ZDHHC5: variants seen among roughly 807,000 people sequenced by gnomAD.
ZDHHC5 encodes zDHHC palmitoyltransferase 5, also known as palmitoyltransferase ZDHHC5.
Under a neutral mutation model 70.0 loss-of-function variants are expected in ZDHHC5, and 22 were observed. The observed-to-expected ratio is 0.31, with a 90% CI of 0.22 to 0.45. The LOEUF is 0.45. Ranked by LOEUF, ZDHHC5 falls within the 20% of genes least tolerant of loss-of-function variation. The pLI, the probability that ZDHHC5 is intolerant of heterozygous loss-of-function variation, is 1.00. For synonymous variants in ZDHHC5, 313 were observed against 347.8 expected (o/e 0.90, Z 1.11); for missense variants, 746 against 926.9 (o/e 0.80, Z 2.53).
At chr11:57,691,597 C>G (rs1946285621) in intron 6 of ZDHHC5, among the ~76,000 whole-genome samples, 1 of 152,124 alleles carries the variant, frequency 6.6e-6, no homozygotes, top group Admixed American at 6.6e-5. Flanking sequence ...CCAAACCAAA[C>G]TGAAACTAGA....
rs1010913426 is a variant in ZDHHC5 at position 57,697,828 on chromosome 11, CAAA to C, written c.1123-710_1123-708del. Among the ~76,000 whole-genome samples the C allele has an allele frequency of 1.7e-4, 5 of 28,770 alleles. No homozygotes were observed. The East Asian group carries it at 4.5e-3, about 26-fold the overall frequency. The allele number at this position is 28,770 out of a possible 152,430, so 18.9% of individuals were successfully genotyped here. A position where few individuals can be genotyped will look rare whatever the true frequency, so the allele number is the denominator to read the frequency against. On this transcript the variant is annotated intron_variant, in intron 10 of 11. Coordinates refer to ENST00000287169, the MANE Select transcript of ZDHHC5 (RefSeq NM_015457.3). ...CTGGTGACAGAGTGAGACTACACCT[CAAA>C]AAAAAAAAAAAAAAAAAAAAGGCCA...
rs1414432208 is a variant in ZDHHC5 at position 57,701,102 on chromosome 11, C to T, written c.*1071C>T. 1 of 152,582 alleles carries T rather than the reference C, an allele frequency of 6.6e-6. No individual in the cohort carries two copies. The highest frequency in any genetic ancestry group is 1.5e-5 in the Non-Finnish European group (1 of 68,024). The allele number at this position is 152,582 out of a possible 1,614,324, so 9.5% of individuals were successfully genotyped here. ...AACCTCTAAATAGGGGAGATCCCAG[C>T]CTCCACAAAGAGGCCCTTTTATTTT... On this transcript the variant is annotated 3_prime_UTR_variant, in exon 12 of 12. Transcript: ENST00000287169.
intron 9 of ZDHHC5, 86 bp from the exon 10 acceptor site, chr11:57,696,675 C>G: frequency 8.1e-7 from 1 of 1,230,230 alleles, no homozygotes; most frequent in Non-Finnish European, 1.2e-6. Context: ...CCACTGCACT[C>G]TAGCTTGGAC....
At chr11:57,699,524 G>GACCCA in intron 11 of ZDHHC5, 106 bp downstream of exon 11, 1 of 1,468,788 alleles carries the variant, frequency 6.8e-7, no homozygotes, top group Non-Finnish European at 9.0e-7. Context: ...GTGGACCCAG[G>GACCCA]GGTATCCTGG....
intron 2 of ZDHHC5, among the ~76,000 whole-genome samples, chr11:57,676,573 C>T (rs551644635): frequency 1.3e-5 from 2 of 152,110 alleles, no homozygotes; most frequent in East Asian, 3.9e-4. Context: ...TAAGTTCTTC[C>T]TGTTTACAGT....
intron 3 of ZDHHC5, among the ~76,000 whole-genome samples, chr11:57,687,166 A>G (rs1476594116): frequency 2.0e-5 from 3 of 152,170 alleles, no homozygotes; most frequent in Non-Finnish European, 4.4e-5. Flanking sequence ...TGTGATGTAA[A>G]TATGAAAAAA....
rs187558550 is a variant in ZDHHC5 at position 57,685,009 on chromosome 11, A to T, written c.226+2466A>T. Among the ~76,000 whole-genome samples, 9 of 152,018 alleles carry T rather than the reference A, an allele frequency of 5.9e-5. No individual in the cohort carries two copies. The South Asian group carries it at 1.2e-3, about 21-fold the overall frequency. ...TGAAAAATACAAAAATTAGCCCGAC[A>T]TGGTGGTGGGTGCCTGTGATCCCAG... On this transcript the variant is annotated intron_variant, in intron 3 of 11. Transcript: ENST00000287169.
chr11:57,695,281 G>A (rs1946335704), intron 8 of ZDHHC5, among the ~76,000 whole-genome samples: 1 of 151,730 alleles, frequency 6.6e-6, no homozygotes, highest in East Asian at 1.9e-4. Flanking sequence ...TTAGCCAGGT[G>A]TGGTGGCACA....
At chr11:57,690,505 G>T in intron 6 of ZDHHC5, 68 bp downstream of exon 6, 1 of 1,484,892 alleles carries the variant, frequency 6.7e-7, no homozygotes, top group Non-Finnish European at 9.4e-7. Flanking sequence ...TGATTAGTGT[G>T]CAGTGTAGTG....
rs757584950 is a variant in ZDHHC5, at chr11:57,696,866, G to T, written c.1115G>T (p.Ser372Ile). The T allele has an allele frequency of 5.6e-6, 9 of 1,613,518 alleles. No homozygotes were observed. The African/African-American group carries it at 1.2e-4, about 22-fold the overall frequency. Residue 372 changes from serine to isoleucine, a missense_variant, in exon 10 of 12, where the codon AGC becomes ATC. Ser to Ile is a moderately radical substitution (Grantham distance 142, BLOSUM62 -2). This residue lies in a region of ZDHHC5 where 179 missense variants were observed against 178.4 expected (regional missense o/e 1.00). Coordinates refer to ENST00000287169, the MANE Select transcript of ZDHHC5 (RefSeq NM_015457.3). ...STSAAMPHSS[S>I]AKLSRGDSLK... ...TCAGCTGCCATGCCGCATTCCTCCA[G>T]CGCCAAGGTACTGAGTACTCTAAGA...
intron 2 of ZDHHC5, among the ~76,000 whole-genome samples, chr11:57,673,513 A>C (rs2135377507): frequency 1.3e-5 from 2 of 152,348 alleles, no homozygotes; most frequent in East Asian, 3.9e-4. Flanking sequence ...GGAAACCACC[A>C]GAGAGGCTTA....
intron 3 of ZDHHC5, among the ~76,000 whole-genome samples, chr11:57,683,948 A>AT (rs1362923786): frequency 6.7e-6 from 1 of 149,680 alleles, no homozygotes; most frequent in Admixed American, 6.7e-5. Context: ...CAAATTTCCC[A>AT]TTTTTTTTGG....
At chr11:57,696,295 T>C (rs12804972) in intron 9 of ZDHHC5, among the ~76,000 whole-genome samples, 38,069 of 152,104 alleles carry the variant, frequency 0.25, 5,562 homozygotes, top group Non-Finnish European at 0.33. Flanking sequence ...CAGAACCTTT[T>C]TGGTGCATTT....
chr11:57,697,828 CAAAA>C (rs1010913426), intron 10 of ZDHHC5, among the ~76,000 whole-genome samples: 1 of 28,774 alleles, frequency 3.5e-5, no homozygotes, highest in Admixed American at 3.6e-4. Flanking sequence ...GACTACACCT[CAAAA>C]AAAAAAAAAA....
chr11:57,669,745 C>T (rs1437435399), intron 1 of ZDHHC5, among the ~76,000 whole-genome samples: 1 of 152,234 alleles, frequency 6.6e-6, no homozygotes, highest in Admixed American at 6.5e-5. Flanking sequence ...AGGCGTGAGC[C>T]CCCGTGCCCA....
chr11:57,697,962 T>C (rs1946376235), intron 10 of ZDHHC5, among the ~76,000 whole-genome samples: 1 of 150,504 alleles, frequency 6.6e-6, no homozygotes, highest in Non-Finnish European at 1.5e-5. Flanking sequence ...GGTGAAACCC[T>C]GTCTCTACTA....
chr11:57,672,968 C>A lies in ZDHHC5; in HGVS notation c.-123C>A. On this transcript the variant is annotated 5_prime_UTR_variant, in exon 2 of 12. The change creates a new upstream start codon in the 5' untranslated region. Transcript: ENST00000287169. ...GGAGGGGGAAGGGTGATAAAGTTTT[C>A]TGTTTCCCTGGTTTTCTTTTGTACT... The A allele has an allele frequency of 1.2e-6, 1 of 833,656 alleles. No homozygotes were observed. 51.6% of individuals were successfully genotyped at this position (833,656 alleles called of 1,614,324 possible). A position where few individuals can be genotyped will look rare whatever the true frequency, so the allele number is the denominator to read the frequency against.
intron 2 of ZDHHC5, chr11:57,681,639 T>C (rs1455818007): frequency 1.3e-5 from 2 of 152,246 alleles, no homozygotes; most frequent in Admixed American, 6.5e-5. Context: ...GAGAATTGTT[T>C]TTTTGATCAA....
intron 1 of ZDHHC5, among the ~76,000 whole-genome samples, chr11:57,669,710 C>T (rs1169051751): frequency 1.3e-5 from 2 of 152,310 alleles, no homozygotes; most frequent in Non-Finnish European, 2.9e-5. Flanking sequence ...CCGCCCGCCT[C>T]GGCCTCCCAA....
Sources: gnomAD v4.1 joint callset for allele counts (sites outside exome capture counted in the v4.1 genomes callset) on GRCh38, gnomAD v4.1.1 for gene constraint, gnomAD v4.1.1 regional missense constraint, MANE v1.5 for transcripts, NCBI Gene and HGNC (gene_info 2026-07-23, HGNC 2026-07-21) for gene names.